Variants in MARF1 observed in about 807,000 individuals in gnomAD.
MARF1 encodes meiosis regulator and mRNA stability factor 1.
In MARF1, 24 loss-of-function variants were observed where a neutral mutation model predicts 168.2. The observed-to-expected ratio is 0.14, with a 90% confidence interval of 0.10 to 0.20. MARF1 has a LOEUF of 0.20. Ranked by LOEUF, MARF1 falls within the 10% of genes least tolerant of loss-of-function variation. MARF1 has a pLI of 1.00. For missense variants in MARF1, 1,744 were observed against 2,143.6 expected (o/e 0.81, Z 3.68); for synonymous variants, 868 against 822.4 (o/e 1.06, Z -0.95).
Position 15,636,224 on chromosome 16 carries a change from T to A in MARF1, c.263A>T (p.Gln88Leu). The stretch of plus-strand genomic sequence containing the variant: ...GACAGAAGAAAGCTGTATTTTAGGC[T>A]GCTGAAGAGAACGAATATCAGGAAG... ...VPLPDIRSLQ[Q>L]PKIQLSSVPK... Residue 88 changes from glutamine (Q) to leucine (L), a missense_variant, in exon 3 of 27, where the codon CAG becomes CTG. Transcript: ENST00000396368. The A allele has an allele frequency of 6.2e-7, 1 of 1,614,234 alleles. No homozygotes were observed. The highest frequency in any genetic ancestry group is 8.5e-7 in the Non-Finnish European group (1 of 1,180,028).
At chr16:15,629,912 G>A (rs1396956434) in intron 7 of MARF1, among the ~76,000 whole-genome samples, 4 of 152,130 alleles carry the variant, frequency 2.6e-5, no homozygotes, top group South Asian at 2.1e-4. Flanking sequence ...ATTAAATACC[G>A]AAAAAAATGC....
chr16:15,617,553 G>C lies in MARF1; in HGVS notation c.2721-18C>G, dbSNP rs745553810. 7.1e-6 allele frequency: 11 copies of C among 1,548,526 alleles called. No homozygotes were observed. In the East Asian group the frequency reaches 2.5e-4, roughly 35 times the overall value. On this transcript the variant is annotated intron_variant, in intron 13 of 26. Coordinates refer to ENST00000396368, the MANE Select transcript of MARF1 (RefSeq NM_014647.4). ...GTCCAAACCTAAAAGCAAGAGAAGA[G>C]AGACGCTGACTTAGAAGGTTTTTCT...
At chr16:15,604,542 TG>T (rs1394289485) in intron 21 of MARF1, 144 bp from the exon 22 acceptor site, 1 of 626,544 alleles carries the variant, frequency 1.6e-6, no homozygotes, top group Non-Finnish European at 2.8e-6. Context: ...ATAAAGCAAG[TG>T]GGTTTGTTTT....
At chr16:15,636,842 T>A (rs1436199613) in intron 2 of MARF1, among the ~76,000 whole-genome samples, 1 of 152,148 alleles carries the variant, frequency 6.6e-6, no homozygotes, top group Non-Finnish European at 1.5e-5. Context: ...CAAACACAGA[T>A]GAGATCAGCC....
intron 16 of MARF1, among the ~76,000 whole-genome samples, chr16:15,613,418 G>A (rs1449212425): frequency 2.0e-5 from 3 of 152,190 alleles, no homozygotes; most frequent in Non-Finnish European, 4.4e-5. Flanking sequence ...GGGAGGCTGA[G>A]GCGGGCGGAT....
At chr16:15,627,053 G>A (rs1346204820) in intron 7 of MARF1, among the ~76,000 whole-genome samples, 2 of 151,298 alleles carry the variant, frequency 1.3e-5, no homozygotes, top group African/African-American at 2.4e-5. Context: ...ACGAACAAAC[G>A]AACGAACGAA....
intron 19 of MARF1, chr16:15,610,508 A>G (rs114419409): frequency 0.015 from 2,268 of 153,478 alleles, 62 homozygotes; most frequent in African/African-American, 0.052. Flanking sequence ...TGTACTTTCT[A>G]CCCGTAACTG....
intron 26 of MARF1, among the ~76,000 whole-genome samples, chr16:15,597,839 G>T (rs1011322412): frequency 6.6e-6 from 1 of 151,768 alleles, no homozygotes; most frequent in African/African-American, 2.4e-5. Flanking sequence ...AACCCTAGGG[G>T]GGCACTGCAC....
intron 26 of MARF1, 81 bp downstream of exon 26, chr16:15,598,773 G>C (rs562011794): frequency 8.2e-5 from 113 of 1,383,252 alleles, no homozygotes; most frequent in Non-Finnish European, 1.1e-4. Flanking sequence ...TCCCACCTCC[G>C]TCATTTACTA....
Position 15,608,410 on chromosome 16 carries a change from G to A in MARF1, c.4063C>T (p.Leu1355Phe), listed in dbSNP as rs1258425952. The A allele has an allele frequency of 6.2e-7, 1 of 1,613,978 alleles. No homozygotes were observed. The highest frequency in any genetic ancestry group is 1.1e-5 in the South Asian group (1 of 91,066). The change falls in exon 21 of 27, where the codon CTT becomes TTT. Residue 1355 changes from leucine to phenylalanine, a missense_variant. By Grantham distance (22) the Leu-to-Phe change is conservative. Coordinates refer to ENST00000396368, the MANE Select transcript of MARF1 (RefSeq NM_014647.4). ...TCTGTAAGGAGATCTGTCATCATAA[G>A]GCAGTTATCTTTTTGGGACCGAAGG... ...KLLRSQKDNC[L>F]MMTDLLTEYA...
chr16:15,601,817 G>C (rs1231646210), intron 23 of MARF1, 174 bp downstream of exon 23: 3 of 640,126 alleles, frequency 4.7e-6, no homozygotes, highest in African/African-American at 1.8e-5. Flanking sequence ...TTTACAGAAA[G>C]AATCAAGGAG....
intron 7 of MARF1, among the ~76,000 whole-genome samples, chr16:15,628,674 C>T (rs1345908884): frequency 6.6e-6 from 1 of 152,124 alleles, no homozygotes; most frequent in Non-Finnish European, 1.5e-5. Flanking sequence ...CCTCAGCTTC[C>T]CAAAGTACTG....
chr16:15,641,680 G>C (rs1245735836), intron 1 of MARF1, among the ~76,000 whole-genome samples: 1 of 152,152 alleles, frequency 6.6e-6, no homozygotes, highest in Admixed American at 6.6e-5. Flanking sequence ...AATAGACAGG[G>C]GAGAAATTAG....
chr16:15,609,959 T>C (rs962857052), intron 19 of MARF1, among the ~76,000 whole-genome samples: 2 of 152,176 alleles, frequency 1.3e-5, no homozygotes, highest in Non-Finnish European at 2.9e-5. Context: ...GAAATTCATA[T>C]ATATTCATCT....
At position 15,595,995 on chromosome 16, in the gene MARF1, A is replaced by G. The variant is rs936167627; in HGVS notation, c.*698T>C. On this transcript the variant is annotated 3_prime_UTR_variant, in exon 27 of 27. Coordinates refer to ENST00000396368, the MANE Select transcript of MARF1 (RefSeq NM_014647.4). Reference sequence around the variant, plus strand: ...GGAACACAGAAGGGAAGCTTCAAACATCCTCAACTTTCTAGAAAGCTCCTA... The same window carrying G: ...GGAACACAGAAGGGAAGCTTCAAACGTCCTCAACTTTCTAGAAAGCTCCTA... 5 of 152,628 alleles carry G rather than the reference A, an allele frequency of 3.3e-5. No homozygotes were observed. The highest frequency in any genetic ancestry group is 6.5e-5 in the Admixed American group (1 of 15,280). The allele number at this position is 152,628 out of a possible 1,614,324, so 9.5% of individuals were successfully genotyped here.
chr16:15,624,835 G>A lies in MARF1; in HGVS notation c.2204C>T (p.Ala735Val), dbSNP rs1385219966. The A allele has an allele frequency of 6.2e-7, 1 of 1,614,066 alleles. No homozygotes were observed. The highest frequency in any genetic ancestry group is 8.5e-7 in the Non-Finnish European group (1 of 1,180,034). ...ETVFQVSYPS[A>V]FSKLVASRQV... ...CCTGGATGCAACTAACTTGCTAAAA[G>A]CAGACGGGTAACTCACTTGGAATAC... Residue 735 changes from alanine (A) to valine (V), a missense_variant, in exon 10 of 27, where the codon GCT (alanine) becomes GTT (valine). Around this residue, in one of 7 missense-constraint regions of MARF1, gnomAD observed 270 missense variants for 260.6 expected, o/e 1.04. Transcript: ENST00000396368.
intron 2 of MARF1, among the ~76,000 whole-genome samples, chr16:15,637,976 G>A (rs1274039375): frequency 2.0e-5 from 3 of 152,006 alleles, no homozygotes; most frequent in Admixed American, 6.6e-5. Flanking sequence ...AGACCAGCCT[G>A]GCCAACACGG....
Position 15,639,156 on chromosome 16 carries a change from T to C in MARF1, c.78A>G (p.Pro26=), listed in dbSNP as rs1370587130. The C allele has an allele frequency of 5.6e-6, 9 of 1,614,226 alleles. No homozygotes were observed. The highest frequency in any genetic ancestry group is 4.4e-5 in the South Asian group (4 of 91,088). Residue 26 remains proline, a synonymous_variant, in exon 2 of 27, where the codon CCA becomes CCG. Transcript: ENST00000396368. ...GWLQQDNDAK[P]WLWKFSNCFS... is the part of the protein sequence containing the mutation. The stretch of plus-strand genomic sequence containing the variant: ...AGCAATTAGAGAATTTCCAAAGCCA[T>C]GGCTTAGCATCATTATCTTGTTGAA...
rs775796864 is a variant in MARF1 at position 15,625,060 on chromosome 16, C to A, written c.2067G>T (p.Pro689=). 8 of 1,614,054 alleles carry A rather than the reference C, an allele frequency of 5.0e-6. No individual in the cohort carries two copies. Among genetic ancestry groups the A allele is most frequent in the Middle Eastern group, 1.6e-4 (1 of 6,084 alleles). ...HGNSSAAVST[P]KNSGVAEPVY... ...CGGGTTCTGCCACCCCCGAGTTTTTCGGCGTCGACACTGCAGCACTTGAGT... is the reference window on the plus strand; with the variant it reads ...CGGGTTCTGCCACCCCCGAGTTTTTAGGCGTCGACACTGCAGCACTTGAGT... Residue 689 remains proline, a synonymous_variant, in exon 9 of 27, where the codon CCG becomes CCT. Transcript: ENST00000396368.
Sources: allele counts gnomAD v4.1 joint callset (sites outside exome capture counted in the v4.1 genomes callset), GRCh38; gene constraint gnomAD v4.1.1; regional missense constraint gnomAD v4.1.1; transcripts MANE v1.5; gene names NCBI Gene and HGNC (gene_info 2026-07-23, HGNC 2026-07-21).